The following DIP2B variants were observed in gnomAD, a reference collection of about 807,000 sequenced individuals.
DIP2B encodes DIP2 acetate--CoA ligase B (putative).
In DIP2B, 76 loss-of-function variants were observed where a neutral mutation model predicts 198.0. The ratio of observed to expected loss-of-function variants is 0.38; its 90% confidence interval spans 0.32 to 0.46. The LOEUF is 0.46. Among genes scored for constraint, DIP2B ranks in the 20% least tolerant of loss-of-function variants. The pLI is 0.99. For missense variants in DIP2B, 1,559 were observed against 1,978.4 expected, an observed-to-expected ratio of 0.79 and a Z score of 4.02; for synonymous variants, 701 against 739.1, an observed-to-expected ratio of 0.95 and a Z score of 0.84.
At chr12:50,676,069 C>A (rs1938940335) in intron 7 of DIP2B, among the ~76,000 whole-genome samples, 1 of 152,028 alleles carries the variant, frequency 6.6e-6, no homozygotes, top group African/African-American at 2.4e-5. Context: ...AAAGGCTTCA[C>A]AGAGGAAGTG....
chr12:50,724,242 G>T (rs1157930718), intron 27 of DIP2B, among the ~76,000 whole-genome samples: 1 of 152,146 alleles, frequency 6.6e-6, no homozygotes, highest in African/African-American at 2.4e-5. Flanking sequence ...TGCAGTTCGT[G>T]GGCAAAGTAG....
At chr12:50,558,413 A>G (rs1265481475) in intron 1 of DIP2B, among the ~76,000 whole-genome samples, 2 of 152,236 alleles carry the variant, frequency 1.3e-5, no homozygotes, top group African/African-American at 4.8e-5. Context: ...ATAATTGAGA[A>G]TCATATATAA....
At chr12:50,691,422 A>T (rs1418205339) in intron 13 of DIP2B, among the ~76,000 whole-genome samples, 1 of 152,208 alleles carries the variant, frequency 6.6e-6, no homozygotes, top group Non-Finnish European at 1.5e-5. Context: ...TAGCTGTGGA[A>T]TGGCAGGTAT....
At chr12:50,539,641 A>G (rs953759228) in intron 1 of DIP2B, among the ~76,000 whole-genome samples, 1 of 146,834 alleles carries the variant, frequency 6.8e-6, no homozygotes, top group Non-Finnish European at 1.5e-5. Flanking sequence ...AAAAGTATCC[A>G]CAGATTAAAG....
chr12:50,704,580 A>G (rs550788811), intron 20 of DIP2B, among the ~76,000 whole-genome samples: 86 of 152,232 alleles, frequency 5.6e-4, no homozygotes, highest in Middle Eastern at 3.2e-3. Context: ...AGTTATCTTC[A>G]GTAGCAAAGA....
At chr12:50,587,432 T>G (rs1369263102) in intron 1 of DIP2B, among the ~76,000 whole-genome samples, 3 of 152,242 alleles carry the variant, frequency 2.0e-5, no homozygotes, top group Non-Finnish European at 4.4e-5. Context: ...CATTCCTTGT[T>G]TTTGGATACC....
At chr12:50,634,619 T>C (rs1212330982) in intron 2 of DIP2B, among the ~76,000 whole-genome samples, 2 of 152,234 alleles carry the variant, frequency 1.3e-5, no homozygotes, top group African/African-American at 2.4e-5. Context: ...GGAGAGGCCC[T>C]CCTTGACCAG....
intron 1 of DIP2B, among the ~76,000 whole-genome samples, chr12:50,555,773 C>T (rs1227645509): frequency 6.6e-6 from 1 of 152,004 alleles, no homozygotes; most frequent in Non-Finnish European, 1.5e-5. Context: ...ATGTCCTCCT[C>T]TTACTTCTAG....
At chr12:50,506,050 G>A (rs1475823525) in intron 1 of DIP2B, among the ~76,000 whole-genome samples, 2 of 151,962 alleles carry the variant, frequency 1.3e-5, no homozygotes, top group Non-Finnish European at 2.9e-5. Flanking sequence ...AAAAAAATGG[G>A]ATAAATCAAG....
chr12:50,733,202 G>A (rs1004301026), intron 32 of DIP2B, among the ~76,000 whole-genome samples: 12 of 150,442 alleles, frequency 8.0e-5, no homozygotes, highest in Admixed American at 6.6e-5. Flanking sequence ...CACCGCGCCC[G>A]GTCTGACCTT....
chr12:50,680,707 A>C lies in DIP2B; in HGVS notation c.1150A>C (p.Thr384Pro). ...LWSRSLKLAY[T>P]LLNKLGTKNE... ...GAGCAGAAGTTTAAAGTTGGCCTACACACTTCTTAATAAACTGGGGACCAA... is the reference window on the plus strand; with the variant it reads ...GAGCAGAAGTTTAAAGTTGGCCTACCCACTTCTTAATAAACTGGGGACCAA... Residue 384 changes from threonine (T) to proline (P), a missense_variant, in exon 9 of 38, where the codon ACA (threonine) becomes CCA (proline). By Grantham distance (38) the Thr-to-Pro change is conservative. Coordinates refer to ENST00000301180, the MANE Select transcript of DIP2B (RefSeq NM_173602.3). 2.5e-6 allele frequency: 4 copies of C among 1,613,704 alleles called. No homozygotes were observed. The highest frequency in any genetic ancestry group is 3.4e-6 in the Non-Finnish European group (4 of 1,179,914).
At position 50,563,798 on chromosome 12, in the gene DIP2B, ATT is replaced by A. The variant is rs35142813; in HGVS notation, c.100+58570_100+58571del. Reference sequence around the variant, plus strand: ...GGCATAAGCCACCTTGCCCAGCCTAATTTTTTTTTTTTTAAAAGCTCATTCTG... The same window carrying A: ...GGCATAAGCCACCTTGCCCAGCCTAATTTTTTTTTTTAAAAGCTCATTCTG... On this transcript the variant is annotated intron_variant, in intron 1 of 37. Transcript: ENST00000301180. Among the ~76,000 whole-genome samples, 251 of 147,912 alleles carry A rather than the reference ATT, an allele frequency of 1.7e-3. 1 individual carries two copies. Among genetic ancestry groups the A allele is most frequent in the East Asian group, 4.8e-3 (24 of 5,046 alleles).
chr12:50,551,919 G>A (rs1215100820), intron 1 of DIP2B, among the ~76,000 whole-genome samples: 1 of 152,178 alleles, frequency 6.6e-6, no homozygotes, highest in East Asian at 1.9e-4. Flanking sequence ...TCTTTTGGAT[G>A]TATACCCAGA....
At chr12:50,722,141 G>GT (rs1565882142) in intron 26 of DIP2B, among the ~76,000 whole-genome samples, 2 of 151,914 alleles carry the variant, frequency 1.3e-5, no homozygotes, top group African/African-American at 4.8e-5. Context: ...AAATATTGGA[G>GT]TTTTCCCTTC....
intron 2 of DIP2B, among the ~76,000 whole-genome samples, chr12:50,630,196 C>T (rs1426402381): frequency 6.6e-6 from 1 of 152,052 alleles, no homozygotes; most frequent in Non-Finnish European, 1.5e-5. Flanking sequence ...GATCCACCTG[C>T]CTCGGCCTCC....
At chr12:50,542,270 A>C (rs1441890043) in intron 1 of DIP2B, among the ~76,000 whole-genome samples, 1 of 151,864 alleles carries the variant, frequency 6.6e-6, no homozygotes, top group African/African-American at 2.4e-5. Context: ...AAAAAAGAAA[A>C]AAAAGAAAAA....
chr12:50,675,339 C>A lies in DIP2B; in HGVS notation c.807C>A (p.Val269=). 1 of 1,612,070 alleles carries A rather than the reference C, an allele frequency of 6.2e-7. No individual in the cohort carries two copies. Among genetic ancestry groups the A allele is most frequent in the South Asian group, 1.1e-5 (1 of 90,812 alleles). The change falls in exon 7 of 38, where the codon GTC becomes GTA. Residue 269 remains valine, a synonymous_variant. Transcript: ENST00000301180. The stretch of plus-strand genomic sequence containing the variant: ...TTTTTTCCCTTATAGGTGTTCCTGT[C>A]AGTAGCAGAGTATCTACAAAAATCC... The part of the protein sequence containing the change: ...SLMDTADGVP[V]SSRVSTKIQQ...
At chr12:50,655,012 A>C (rs1476120634) in intron 3 of DIP2B, 6 of 450,502 alleles carry the variant, frequency 1.3e-5, no homozygotes, top group Non-Finnish European at 2.7e-5. Context: ...TTTATTTAGA[A>C]TTCTCTCTTG....
chr12:50,685,313 CTGCTGTTTTTGT>C (rs1479226154), intron 10 of DIP2B, among the ~76,000 whole-genome samples: 1 of 152,080 alleles, frequency 6.6e-6, no homozygotes, highest in Non-Finnish European at 1.5e-5. Context: ...GTTGTTTTTG[CTGCTGTTTTTGT>C]GTAAGGCTTA....
Sources: allele counts gnomAD v4.1 joint callset (sites outside exome capture counted in the v4.1 genomes callset), GRCh38; gene constraint gnomAD v4.1.1; transcripts MANE v1.5; gene names NCBI Gene and HGNC (gene_info 2026-07-23, HGNC 2026-07-21).